The following NAALADL2 variants were observed in gnomAD, a reference collection of about 807,000 sequenced individuals.
NAALADL2 encodes the protein N-acetylated alpha-linked acidic dipeptidase like 2.
In NAALADL2, 76 loss-of-function variants were observed where a neutral mutation model predicts 87.2. The observed-to-expected ratio is 0.87, with a 90% CI of 0.72 to 1.05. The LOEUF is 1.05. Ranked by LOEUF, NAALADL2 falls within the 50% of genes least tolerant of loss-of-function variation. NAALADL2 has a pLI of 0.00. For synonymous variants in NAALADL2, 354 were observed against 331.0 expected, an observed-to-expected ratio of 1.07 and a Z score of -0.75; for missense variants, 1,089 against 945.8, an observed-to-expected ratio of 1.15 and a Z score of -1.99.
chr3:174,490,007 G>A lies in NAALADL2; in HGVS notation c.-184+48975G>A, dbSNP rs143824796. On this transcript the variant is annotated intron_variant, in intron 1 of 3. Coordinates refer to the NAALADL2 transcript ENST00000434257. Reference sequence around the variant, plus strand: ...AAACAGTTGGGCAATTTCTCAAATCGTTAAAAAGACATACCATATGAACCT... The same window carrying A: ...AAACAGTTGGGCAATTTCTCAAATCATTAAAAAGACATACCATATGAACCT... 7.4e-3 allele frequency among the ~76,000 whole-genome samples: 1,131 copies of A among 152,052 alleles called. 10 individuals are homozygous for A. The highest frequency in any genetic ancestry group is 0.013 in the Non-Finnish European group (873 of 67,922).
chr3:175,665,031 C>T (rs753164433), intron 11 of NAALADL2, among the ~76,000 whole-genome samples: 1 of 152,032 alleles, frequency 6.6e-6, no homozygotes, highest in Non-Finnish European at 1.5e-5. Flanking sequence ...CACATCTCAT[C>T]GATATATATT....
chr3:175,382,339 T>C (rs913598530), intron 5 of NAALADL2, among the ~76,000 whole-genome samples: 4 of 152,162 alleles, frequency 2.6e-5, no homozygotes, highest in African/African-American at 9.6e-5. Context: ...AAAGTCCTCA[T>C]GCTTGTGAAA....
At chr3:175,020,210 A>G (rs2108858740) in intron 1 of NAALADL2, among the ~76,000 whole-genome samples, 1 of 152,208 alleles carries the variant, frequency 6.6e-6, no homozygotes, top group South Asian at 2.1e-4. Flanking sequence ...AAAGATTGGT[A>G]GGTCTTGGTT....
chr3:174,854,835 C>CTTTTTTTTTTTTTTTTT (rs68116968), upstream of NAALADL2, among the ~76,000 whole-genome samples: 1 of 111,996 alleles, frequency 8.9e-6, no homozygotes, highest in South Asian at 2.9e-4. Context: ...GCTTTTTTTT[C>CTTTTTTTTTTTTTTTTT]TTTTTTTTTT....
chr3:175,124,366 G>A (rs2108585179), intron 2 of NAALADL2: 1 of 152,076 alleles, frequency 6.6e-6, no homozygotes, highest in Middle Eastern at 3.4e-3. Flanking sequence ...CATGCACATT[G>A]TGACATTGCC....
chr3:175,691,255 TAATA>T (rs1182936143), intron 11 of NAALADL2, among the ~76,000 whole-genome samples: 7 of 150,678 alleles, frequency 4.6e-5, no homozygotes, highest in South Asian at 4.2e-4. Flanking sequence ...TACACACAGA[TAATA>T]TATATATATA....
chr3:174,964,495 A>G (rs1742590916), intron 1 of NAALADL2, among the ~76,000 whole-genome samples: 2 of 152,126 alleles, frequency 1.3e-5, no homozygotes, highest in Non-Finnish European at 2.9e-5. Context: ...AATAAAAAAG[A>G]GAGGAGAACA....
At chr3:175,765,901 T>G (rs1748628363) in intron 13 of NAALADL2, among the ~76,000 whole-genome samples, 1 of 152,098 alleles carries the variant, frequency 6.6e-6, no homozygotes, top group Admixed American at 6.6e-5. Context: ...TAGGAAAAGT[T>G]AACATGCGGC....
At chr3:175,461,233 A>C (rs1723085577) in intron 6 of NAALADL2, among the ~76,000 whole-genome samples, 1 of 151,712 alleles carries the variant, frequency 6.6e-6, no homozygotes. Context: ...ACAATCCTTT[A>C]GCTAGACACA....
intron 1 of NAALADL2, among the ~76,000 whole-genome samples, chr3:174,498,156 C>T (rs1393680547): frequency 1.3e-5 from 2 of 152,164 alleles, no homozygotes; most frequent in South Asian, 4.2e-4. Context: ...TGTACCTCAT[C>T]CCCAAGAGTT....
intron 2 of NAALADL2, among the ~76,000 whole-genome samples, chr3:175,226,987 C>T (rs1270113663): frequency 6.6e-6 from 1 of 151,936 alleles, no homozygotes; most frequent in Non-Finnish European, 1.5e-5. Flanking sequence ...AAATAACAAC[C>T]TAATGAAATG....
At chr3:175,053,239 C>T (rs1755649401) in intron 1 of NAALADL2, among the ~76,000 whole-genome samples, 1 of 152,030 alleles carries the variant, frequency 6.6e-6, no homozygotes, top group Admixed American at 6.6e-5. Flanking sequence ...GATAAATATG[C>T]CCAATAAGTA....
intron 2 of NAALADL2, among the ~76,000 whole-genome samples, chr3:175,178,324 C>A (rs1293413749): frequency 5.3e-5 from 8 of 152,106 alleles, no homozygotes; most frequent in East Asian, 1.9e-4. Context: ...ATCATCATTT[C>A]TTTCATTTAT....
chr3:175,618,522 CT>C (rs948754793), intron 10 of NAALADL2, among the ~76,000 whole-genome samples: 5 of 151,950 alleles, frequency 3.3e-5, no homozygotes, highest in African/African-American at 9.7e-5. Flanking sequence ...CATTTTTTTC[CT>C]CTAGGGTCTG....
At chr3:175,802,642 G>C (rs1754310828) in intron 13 of NAALADL2, among the ~76,000 whole-genome samples, 1 of 117,102 alleles carries the variant, frequency 8.5e-6, no homozygotes, top group Non-Finnish European at 1.6e-5. Flanking sequence ...ATGACACATT[G>C]TGGTATAATT....
intron 5 of NAALADL2, among the ~76,000 whole-genome samples, chr3:175,342,370 T>G (rs1469207964): frequency 2.0e-5 from 3 of 152,072 alleles, no homozygotes; most frequent in African/African-American, 7.2e-5. Context: ...AATAATAAGC[T>G]GAGTCAGACC....
At chr3:174,487,247 C>T (rs1462812577) in intron 1 of NAALADL2, among the ~76,000 whole-genome samples, 1 of 152,020 alleles carries the variant, frequency 6.6e-6, no homozygotes, top group African/African-American at 2.4e-5. Flanking sequence ...TCATATGAGC[C>T]AAAGCCAATT....
chr3:175,624,379 A>T (rs981538681), intron 10 of NAALADL2, among the ~76,000 whole-genome samples: 9 of 152,088 alleles, frequency 5.9e-5, no homozygotes, highest in African/African-American at 1.9e-4. Flanking sequence ...ATTAACAAAT[A>T]CTAATCACTT....
chr3:175,113,128 G>T (rs1724488018), intron 2 of NAALADL2, among the ~76,000 whole-genome samples: 2 of 151,550 alleles, frequency 1.3e-5, no homozygotes, highest in South Asian at 4.1e-4. Flanking sequence ...ATTTGGTTCT[G>T]AATACCATGA....
Sources: allele counts gnomAD v4.1 joint callset (sites outside exome capture counted in the v4.1 genomes callset), GRCh38; gene constraint gnomAD v4.1.1; transcripts MANE v1.5; gene names NCBI Gene and HGNC (gene_info 2026-07-23, HGNC 2026-07-21).